Variants in CDK17 observed in about 807,000 individuals in gnomAD.
The protein encoded by CDK17 is cyclin-dependent kinase 17.
Under a neutral mutation model 77.6 loss-of-function variants are expected in CDK17, and 24 were observed. The observed-to-expected ratio is 0.31, with a 90% CI of 0.22 to 0.44. The LOEUF (loss-of-function observed/expected upper bound fraction) is 0.44, where lower values mean the gene tolerates loss of function less well. CDK17 is among the 20% of genes least tolerant of loss of function. The probability of loss-of-function intolerance (pLI) is 1.00; values close to 1 mark genes in which losing one functional copy is unlikely to be tolerated. For synonymous variants in CDK17, 203 were observed against 210.4 expected (o/e 0.96, Z 0.30); for missense variants, 429 against 622.5 (o/e 0.69, Z 3.31).
intron 3 of CDK17, among the ~76,000 whole-genome samples, chr12:96,315,057 T>G (rs1952692811): frequency 6.6e-6 from 1 of 152,244 alleles, no homozygotes; most frequent in African/African-American, 2.4e-5. Flanking sequence ...CAGAAGGTGC[T>G]TAACAAGTAT....
chr12:96,308,229 TA>T (rs61572243), intron 5 of CDK17, among the ~76,000 whole-genome samples: 5,569 of 63,764 alleles, frequency 0.087, 137 homozygotes, highest in East Asian at 0.17. Context: ...ATGCCATCTC[TA>T]AAAAAAAAAA....
At position 96,298,899 on chromosome 12, in the gene CDK17, C is replaced by G. The variant is rs1952454443; in HGVS notation, c.685G>C (p.Glu229Gln). The G allele has an allele frequency of 6.2e-7, 1 of 1,607,112 alleles. No individual in the cohort carries two copies. Among genetic ancestry groups the G allele is most frequent in the Non-Finnish European group, 8.5e-7 (1 of 1,174,140 alleles). The change falls in exon 7 of 17, where the codon GAA becomes CAA. Residue 229 changes from glutamate to glutamine, a missense_variant. By Grantham distance (29) the Glu-to-Gln change is conservative. Coordinates refer to ENST00000261211, the MANE Select transcript of CDK17 (RefSeq NM_002595.5). ...ALKEIRLEHE[E>Q]GAPCTAIREV... is the part of the protein sequence containing the mutation. ...CTTATAGCTGTGCAGGGTGCACCTTCTTCATGTTCCAATCGGATCTCTTTT... is the reference window on the plus strand; with the variant it reads ...CTTATAGCTGTGCAGGGTGCACCTTGTTCATGTTCCAATCGGATCTCTTTT...
At chr12:96,392,722 T>G (rs1954090087) in intron 1 of CDK17, among the ~76,000 whole-genome samples, 1 of 152,082 alleles carries the variant, frequency 6.6e-6, no homozygotes, top group South Asian at 2.1e-4. Flanking sequence ...TAAGGCAATA[T>G]CGAGTAGGAA....
intron 2 of CDK17, among the ~76,000 whole-genome samples, chr12:96,324,912 A>T (rs566045777): frequency 6.6e-6 from 1 of 152,320 alleles, no homozygotes; most frequent in East Asian, 1.9e-4. Flanking sequence ...ATACATATCA[A>T]TACAGAGGCT....
At chr12:96,341,583 G>GTTCTT (rs1474657705) in intron 1 of CDK17, among the ~76,000 whole-genome samples, 10 of 152,164 alleles carry the variant, frequency 6.6e-5, no homozygotes, top group Middle Eastern at 3.4e-3. Flanking sequence ...ACTTCGCCTT[G>GTTCTT]GGCTAAACTT....
intron 1 of CDK17, among the ~76,000 whole-genome samples, chr12:96,356,405 T>G (rs1400384997): frequency 6.6e-6 from 1 of 152,096 alleles, no homozygotes; most frequent in African/African-American, 2.4e-5. Flanking sequence ...AAGCAATCCT[T>G]TTGCCTCAGC....
At chr12:96,315,036 T>G (rs1227856381) in intron 3 of CDK17, among the ~76,000 whole-genome samples, 1 of 152,214 alleles carries the variant, frequency 6.6e-6, no homozygotes, top group Admixed American at 6.5e-5. Flanking sequence ...CTTAACCAAC[T>G]GTCTGGCACT....
chr12:96,399,148 T>A (rs1483427455), intron 1 of CDK17: 1 of 151,098 alleles, frequency 6.6e-6, no homozygotes, highest in Non-Finnish European at 1.5e-5. Flanking sequence ...CACAGGAGAG[T>A]CAATGTGGCA....
At chr12:96,365,844 C>T (rs1191015635) in intron 1 of CDK17, among the ~76,000 whole-genome samples, 1 of 152,162 alleles carries the variant, frequency 6.6e-6, no homozygotes, top group Non-Finnish European at 1.5e-5. Context: ...GAGTTCAAGA[C>T]CAGCTGGACA....
rs1174294574 is a variant in CDK17 at position 96,286,108 on chromosome 12, A to C, written c.1257T>G (p.Asn419Lys). 6.8e-7 allele frequency: 1 copy of C among 1,481,092 alleles called. No homozygotes were observed. Among genetic ancestry groups the C allele is most frequent in the Admixed American group, 1.9e-5 (1 of 51,896 alleles). 91.7% of individuals were successfully genotyped at this position (1,481,092 alleles called of 1,614,324 possible). Residue 419 changes from asparagine (N) to lysine (K), a missense_variant, in exon 13 of 17, where the codon AAT (asparagine) becomes AAG (lysine). This residue lies in a region of CDK17 where 115 missense variants were observed against 124.2 expected (regional missense o/e 0.93). Coordinates refer to ENST00000261211, the MANE Select transcript of CDK17 (RefSeq NM_002595.5). ...SQETWPGISS[N>K]EEFKNYNFPK... The stretch of plus-strand genomic sequence containing the variant: ...GAAAGTTGTAGTTCTTGAACTCCTC[A>C]TTTGAAGAAATACCTGGCCAAGTTT...
At chr12:96,314,796 T>G (rs2137110319) in intron 3 of CDK17, among the ~76,000 whole-genome samples, 1 of 152,332 alleles carries the variant, frequency 6.6e-6, no homozygotes, top group East Asian at 1.9e-4. Flanking sequence ...TTAACACACT[T>G]TTTTTCTCGT....
chr12:96,342,989 G>A (rs1274678173), intron 1 of CDK17, among the ~76,000 whole-genome samples: 1 of 152,056 alleles, frequency 6.6e-6, no homozygotes, highest in Admixed American at 6.6e-5. Flanking sequence ...TCCTTGATGT[G>A]TTCAAATCTG....
rs144657478 is a variant in CDK17, at chr12:96,342,912, A to G, written c.-29-8047T>C. On this transcript the variant is annotated intron_variant, in intron 1 of 16. Coordinates refer to ENST00000261211, the MANE Select transcript of CDK17 (RefSeq NM_002595.5). ...AGGAGGCAGAGACTGCAGTGAGCCA[A>G]GATTGTGCCATTGCACTCCAGCCTG... 7.8e-3 allele frequency among the ~76,000 whole-genome samples: 1,183 copies of G among 152,284 alleles called. 19 individuals are homozygous for G. The highest frequency in any genetic ancestry group is 0.027 in the African/African-American group (1,104 of 41,568).
At position 96,377,868 on chromosome 12, in the gene CDK17, T is replaced by TG. The variant is rs1592764787; in HGVS notation, c.-30+22117_-30+22118insC. Among the ~76,000 whole-genome samples the TG allele has an allele frequency of 3.9e-5, 6 of 152,260 alleles. No individual in the cohort carries two copies. The East Asian group carries it at 1.2e-3, about 29-fold the overall frequency. On this transcript the variant is annotated intron_variant, in intron 1 of 16. Coordinates refer to ENST00000261211, the MANE Select transcript of CDK17 (RefSeq NM_002595.5). ...GCCACTACGCCCAGCTAATTTTTTGTATTTTTAGTAGAGACAGGGTTTCAC... is the reference window on the plus strand; with the variant it reads ...GCCACTACGCCCAGCTAATTTTTTGTGATTTTTAGTAGAGACAGGGTTTCAC...
At chr12:96,316,583 T>C (rs1175324172) in intron 3 of CDK17, among the ~76,000 whole-genome samples, 2 of 144,834 alleles carry the variant, frequency 1.4e-5, no homozygotes, top group African/African-American at 5.1e-5. Flanking sequence ...AGAGCAGTGG[T>C]TCTCCCAGCA....
At chr12:96,362,412 T>G (rs1953506506) in intron 1 of CDK17, among the ~76,000 whole-genome samples, 1 of 151,794 alleles carries the variant, frequency 6.6e-6, no homozygotes, top group Non-Finnish European at 1.5e-5. Context: ...AGAGACGGAG[T>G]TTTACCACAT....
At chr12:96,298,188 A>G (rs1310343947) in intron 7 of CDK17, among the ~76,000 whole-genome samples, 2 of 151,968 alleles carry the variant, frequency 1.3e-5, no homozygotes, top group South Asian at 2.1e-4. Context: ...TCGGGAGGCT[A>G]AGGCAGGAGA....
At chr12:96,393,136 G>T (rs924167020) in intron 1 of CDK17, among the ~76,000 whole-genome samples, 1 of 146,556 alleles carries the variant, frequency 6.8e-6, no homozygotes. Flanking sequence ...AAGCTGAGGC[G>T]GGTGGATCAC....
At chr12:96,280,965 A>AGT in intron 15 of CDK17, 80 bp from the exon 16 acceptor site, 1 of 1,184,786 alleles carries the variant, frequency 8.4e-7, no homozygotes, top group Non-Finnish European at 1.2e-6. Flanking sequence ...AAATGTTTAT[A>AGT]AAGCATATAC....
Sources: allele counts gnomAD v4.1 joint callset (sites outside exome capture counted in the v4.1 genomes callset), GRCh38; gene constraint gnomAD v4.1.1; regional missense constraint gnomAD v4.1.1; transcripts MANE v1.5; gene names NCBI Gene and HGNC (gene_info 2026-07-23, HGNC 2026-07-21).